SMARCAD1: variants seen among roughly 807,000 people sequenced by gnomAD.
The protein encoded by SMARCAD1 is SNF2 related chromatin remodeling ATPase with DExD box 1, also known as SWI/SNF-related matrix-associated actin-dependent regulator of chromatin subfamily A containing DEAD/H box 1.
A neutral mutation model predicts 127.1 loss-of-function variants in SMARCAD1; 25 were observed. The observed-to-expected ratio is 0.20, with a 90% confidence interval of 0.14 to 0.27. The LOEUF (loss-of-function observed/expected upper bound fraction) is 0.27, where lower values mean the gene tolerates loss of function less well. Ranked by LOEUF, SMARCAD1 falls within the 10% of genes least tolerant of loss-of-function variation. The pLI is 1.00. For synonymous variants in SMARCAD1, 400 were observed against 396.9 expected, an observed-to-expected ratio of 1.01 and a Z score of -0.09; for missense variants, 807 against 1,206.0, an observed-to-expected ratio of 0.67 and a Z score of 4.90.
intron 9 of SMARCAD1, chr4:94,253,797 A>G (rs965149390): frequency 2.2e-5 from 15 of 668,968 alleles, no homozygotes; most frequent in East Asian, 1.4e-4. Flanking sequence ...ACAGATAAAT[A>G]TAAGAACTCT....
intron 2 of SMARCAD1, among the ~76,000 whole-genome samples, chr4:94,224,319 T>C (rs1358553500): frequency 6.6e-6 from 1 of 152,222 alleles, no homozygotes; most frequent in East Asian, 1.9e-4. Flanking sequence ...AGTAGTTGTA[T>C]AGTACTTGGT....
At chr4:94,209,018 G>A (rs1231916671) in intron 2 of SMARCAD1, among the ~76,000 whole-genome samples, 2 of 152,104 alleles carry the variant, frequency 1.3e-5, no homozygotes, top group East Asian at 3.8e-4. Context: ...TGTACACAAG[G>A]GAAGATCAGA....
At chr4:94,252,102 G>A (rs1271136998) in intron 8 of SMARCAD1, among the ~76,000 whole-genome samples, 5 of 152,162 alleles carry the variant, frequency 3.3e-5, no homozygotes, top group South Asian at 2.1e-4. Flanking sequence ...TGCCCGCGTC[G>A]GCCTCCCAAA....
chr4:94,248,866 GATA>G (rs1748854540), intron 6 of SMARCAD1, among the ~76,000 whole-genome samples: 1 of 152,144 alleles, frequency 6.6e-6, no homozygotes, highest in South Asian at 2.1e-4. Context: ...TCAGTTGTTG[GATA>G]ATAAAGGAGG....
intron 23 of SMARCAD1, among the ~76,000 whole-genome samples, chr4:94,288,046 G>A (rs887665709): frequency 2.0e-5 from 3 of 151,776 alleles, no homozygotes; most frequent in East Asian, 3.9e-4. Flanking sequence ...AAAATACAGC[G>A]ATTTAACAGT....
chr4:94,216,370 C>T (rs1430090014), intron 2 of SMARCAD1, among the ~76,000 whole-genome samples: 1 of 152,106 alleles, frequency 6.6e-6, no homozygotes, highest in Non-Finnish European at 1.5e-5. Context: ...TTCATCCTTT[C>T]CTCTAAGTCT....
intron 10 of SMARCAD1, among the ~76,000 whole-genome samples, chr4:94,265,443 G>C (rs1395616794): frequency 6.6e-6 from 1 of 151,732 alleles, no homozygotes; most frequent in African/African-American, 2.4e-5. Context: ...TGATTAAATA[G>C]ATCATATAAG....
chr4:94,276,369 C>T lies in SMARCAD1; in HGVS notation c.1839C>T (p.Asp613=), dbSNP rs6823404. 938,316 of 1,613,358 alleles carry T rather than the reference C, an allele frequency of 0.58. 276,412 individuals are homozygous for T. The highest frequency in any genetic ancestry group is 0.75 in the East Asian group (33,709 of 44,838). The change falls in exon 15 of 24, where the codon GAC becomes GAT. Residue 613 remains aspartate, a synonymous_variant. Transcript: ENST00000354268. ...ACTGTGCGATCAGCAGTTCTGATGA[C>T]CGTAGTCTGTTTCGACGGCTGAAAC... is the stretch of plus-strand genomic sequence containing the variant. ...TYNCAISSSD[D]RSLFRRLKLN...
intron 10 of SMARCAD1, among the ~76,000 whole-genome samples, chr4:94,265,684 C>CT (rs1224617225): frequency 2.0e-5 from 3 of 151,480 alleles, no homozygotes; most frequent in Non-Finnish European, 2.9e-5. Flanking sequence ...GAATACTTCC[C>CT]TTTTTAAAAA....
In SMARCAD1 at chr4:94,253,295, A is replaced by G. The variant is rs141645181; in HGVS notation, c.1281+288A>G. ...ACTTCGTTCATTTCACTGCAGAAGA[A>G]GAAATTAGAGCTTACATTTAGGAAG... On this transcript the variant is annotated intron_variant, in intron 9 of 23. Coordinates refer to ENST00000354268, the MANE Select transcript of SMARCAD1 (RefSeq NM_020159.5). 8.8e-5 allele frequency: 123 copies of G among 1,394,378 alleles called. No homozygotes were observed. In the African/African-American group the frequency reaches 1.6e-3, roughly 18 times the overall value. The allele number at this position is 1,394,378 out of a possible 1,614,324, so 86.4% of individuals were successfully genotyped here.
At chr4:94,209,589 A>C (rs932001801) in intron 2 of SMARCAD1, among the ~76,000 whole-genome samples, 5 of 152,190 alleles carry the variant, frequency 3.3e-5, no homozygotes. Flanking sequence ...TTTGTTTGCC[A>C]CCCTTCTACT....
chr4:94,240,880 T>C (rs778356263), intron 5 of SMARCAD1, 26 bp from the exon 6 acceptor site: 1 of 1,571,404 alleles, frequency 6.4e-7, no homozygotes, highest in African/African-American at 1.3e-5. Flanking sequence ...TGTGCAAAGT[T>C]TGAGTGTGCT....
Position 94,280,667 on chromosome 4 carries a change from G to T in SMARCAD1, c.2494G>T (p.Val832Leu). The change falls in exon 20 of 24, where the codon GTA (valine) becomes TTA (leucine). Residue 832 changes from valine (V) to leucine (L), a missense_variant. This residue lies in a region of SMARCAD1 where 99 missense variants were observed against 126.0 expected (regional missense o/e 0.79). Coordinates refer to ENST00000354268, the MANE Select transcript of SMARCAD1 (RefSeq NM_020159.5). ...AGTTATGACAGACTTCGAACTACAT[G>T]TACTTTGTAAACAGTACCGACACAT... ...MEVMTDFELHVLCKQYRHINN... is the reference protein window; with the variant it reads ...MEVMTDFELHLLCKQYRHINN... 1 of 1,613,750 alleles carries T rather than the reference G, an allele frequency of 6.2e-7. No individual in the cohort carries two copies. The highest frequency in any genetic ancestry group is 8.5e-7 in the Non-Finnish European group (1 of 1,179,828).
rs1751916151 is a variant in SMARCAD1 at position 94,267,525 on chromosome 4, C to A, written c.1481+2619C>A. 1.3e-5 allele frequency among the ~76,000 whole-genome samples: 2 copies of A among 152,038 alleles called. 1 individual carries two copies. Among genetic ancestry groups the A allele is most frequent in the South Asian group, 4.1e-4 (2 of 4,824 alleles). On this transcript the variant is annotated intron_variant, in intron 10 of 23. Coordinates refer to ENST00000354268, the MANE Select transcript of SMARCAD1 (RefSeq NM_020159.5). ...TTGTTTCTATTTTACGCCTTTCTCA[C>A]CTTTGAAAATAATTTTGGAACTAGT...
At chr4:94,288,209 A>C (rs1041387833) in intron 23 of SMARCAD1, among the ~76,000 whole-genome samples, 9 of 152,206 alleles carry the variant, frequency 5.9e-5, no homozygotes, top group South Asian at 2.1e-4. Flanking sequence ...ATAAACAGTA[A>C]TTTTCAGACA....
At chr4:94,221,800 G>A (rs1389445154) in intron 2 of SMARCAD1, among the ~76,000 whole-genome samples, 3 of 152,108 alleles carry the variant, frequency 2.0e-5, no homozygotes, top group South Asian at 2.1e-4. Context: ...AAAGAAAAGC[G>A]TACCATTTTA....
In SMARCAD1 at chr4:94,252,660, G is replaced by C; in HGVS notation, c.934G>C (p.Val312Leu). Residue 312 changes from valine (V) to leucine (L), a missense_variant, in exon 9 of 24, where the codon GTT becomes CTT. Coordinates refer to ENST00000354268, the MANE Select transcript of SMARCAD1 (RefSeq NM_020159.5). ...AAGTGAGGTTCCAAATGGAAAAGAA[G>C]TTTCTTCAAGAAGTCAAAATTACCC... ...SQSEVPNGKE[V>L]SSRSQNYPKN... 1 of 1,575,804 alleles carries C rather than the reference G, an allele frequency of 6.3e-7. No individual in the cohort carries two copies. Among genetic ancestry groups the C allele is most frequent in the Non-Finnish European group, 8.6e-7 (1 of 1,164,744 alleles).
chr4:94,209,199 A>G (rs1741783072), intron 2 of SMARCAD1, among the ~76,000 whole-genome samples: 1 of 152,256 alleles, frequency 6.6e-6, no homozygotes, highest in Admixed American at 6.5e-5. Context: ...ATCTATGTTC[A>G]TTGAACAGTT....
intron 21 of SMARCAD1, 93 bp from the exon 22 acceptor site, chr4:94,283,028 A>T: frequency 2.9e-6 from 3 of 1,032,618 alleles, no homozygotes; most frequent in Non-Finnish European, 4.4e-6. Flanking sequence ...ATACATCTTC[A>T]GGTTTCTTTT....
Sources: gnomAD v4.1 joint callset for allele counts (sites outside exome capture counted in the v4.1 genomes callset) on GRCh38, gnomAD v4.1.1 for gene constraint, gnomAD v4.1.1 regional missense constraint, MANE v1.5 for transcripts, NCBI Gene and HGNC (gene_info 2026-07-23, HGNC 2026-07-21) for gene names.